Variants in RHAG observed in about 807,000 individuals in gnomAD.
The protein encoded by RHAG is Rh associated glycoprotein.
Under a neutral mutation model 42.4 loss-of-function variants are expected in RHAG, and 25 were observed. The observed-to-expected ratio is 0.59, with a 90% CI of 0.43 to 0.82. The LOEUF (loss-of-function observed/expected upper bound fraction) is 0.82. Ranked by LOEUF, RHAG falls within the 40% of genes least tolerant of loss-of-function variation. RHAG has a pLI of 0.00. For synonymous variants in RHAG, 182 were observed against 177.7 expected (o/e 1.02, Z -0.19); for missense variants, 483 against 504.6 (o/e 0.96, Z 0.41).
intron 1 of RHAG, among the ~76,000 whole-genome samples, chr6:49,626,341 T>C (rs952959012): frequency 1.3e-5 from 2 of 152,178 alleles, no homozygotes; most frequent in African/African-American, 4.8e-5. Flanking sequence ...ATGGGAGAAA[T>C]TGGCAAAAAC....
At chr6:49,619,902 T>A (rs1217932189) in intron 1 of RHAG, among the ~76,000 whole-genome samples, 1 of 152,206 alleles carries the variant, frequency 6.6e-6, no homozygotes, top group Non-Finnish European at 1.5e-5. Flanking sequence ...CATACCTGGC[T>A]CTCTTTAACT....
rs571274711 is a variant in RHAG at position 49,612,546 on chromosome 6, G to A, written c.808-12C>T. 1 of 1,613,876 alleles carries A rather than the reference G, an allele frequency of 6.2e-7. No individual in the cohort carries two copies. The highest frequency in any genetic ancestry group is 1.7e-5 in the Admixed American group (1 of 60,012). ...TTCTGAATGTGAACCTGTGTGAGCG[G>A]CAGAAACATAAATGAGGTGAGCTGG... On this transcript the variant is annotated splice_polypyrimidine_tract_variant and intron_variant, in intron 5 of 9. Coordinates refer to ENST00000371175, the MANE Select transcript of RHAG (RefSeq NM_000324.3).
chr6:49,624,000 G>GC (rs1212483673), intron 1 of RHAG, among the ~76,000 whole-genome samples: 2 of 151,942 alleles, frequency 1.3e-5, no homozygotes, highest in Non-Finnish European at 2.9e-5. Context: ...ATTCCTTGCT[G>GC]CCCCCTGAGA....
chr6:49,633,725 T>C (rs1762967297), intron 1 of RHAG, among the ~76,000 whole-genome samples: 1 of 152,182 alleles, frequency 6.6e-6, no homozygotes, highest in African/African-American at 2.4e-5. Flanking sequence ...ACGCAATGGA[T>C]GCCTTGAGTC....
Position 49,614,833 on chromosome 6 carries a change from A to T in RHAG, c.661T>A (p.Phe221Ile). The T allele has an allele frequency of 6.2e-7, 1 of 1,614,234 alleles. No homozygotes were observed. Among genetic ancestry groups the T allele is most frequent in the South Asian group, 1.1e-5 (1 of 91,082 alleles). ...AMIGTLFLWM[F>I]WPSFNSAIAE... ...ATGGCCGAGTTAAAGCTGGGCCAAA[A>T]CATCCACAGAAAGAGAGTCCCTGTA... Residue 221 changes from phenylalanine to isoleucine, a missense_variant, in exon 5 of 10, where the codon TTT becomes ATT. Phe to Ile is a conservative substitution (Grantham distance 21, BLOSUM62 0). Transcript: ENST00000371175.
chr6:49,609,729 C>T (rs1433835030), intron 7 of RHAG, among the ~76,000 whole-genome samples: 1 of 152,178 alleles, frequency 6.6e-6, no homozygotes, highest in Non-Finnish European at 1.5e-5. Flanking sequence ...TTATTGATCT[C>T]AACAGGGTTA....
intron 2 of RHAG, among the ~76,000 whole-genome samples, chr6:49,618,606 C>G (rs1490852226): frequency 6.6e-6 from 1 of 152,094 alleles, no homozygotes; most frequent in Non-Finnish European, 1.5e-5. Flanking sequence ...TTTCTCATAT[C>G]CTCAAAGTCA....
intron 1 of RHAG, among the ~76,000 whole-genome samples, chr6:49,631,291 G>A (rs1762932010): frequency 6.6e-6 from 1 of 152,124 alleles, no homozygotes; most frequent in Non-Finnish European, 1.5e-5. Flanking sequence ...TTCACCCAAT[G>A]ATTTTAGCTT....
chr6:49,624,351 G>A (rs530649029), intron 1 of RHAG, among the ~76,000 whole-genome samples: 1 of 152,218 alleles, frequency 6.6e-6, no homozygotes, highest in Admixed American at 6.5e-5. Context: ...GACTACAGGC[G>A]TGTGCCACCA....
chr6:49,608,473 G>A lies in RHAG; in HGVS notation c.1068-1253C>T, dbSNP rs1985223. ...CAGCTCACTGCTGTCTCCTCCCCGC[G>A]TTCAAGCAATTCTCCTGACTCAGCC... On this transcript the variant is annotated intron_variant, in intron 7 of 9. Transcript: ENST00000371175. Among the ~76,000 whole-genome samples the A allele has an allele frequency of 2.2e-4, 34 of 152,070 alleles. 1 individual carries two copies. In the East Asian group the frequency reaches 6.2e-3, roughly 28 times the overall value.
rs1762687222 is a variant in RHAG at position 49,618,235 on chromosome 6, A to G, written c.342-17T>C. On this transcript the variant is annotated splice_polypyrimidine_tract_variant and intron_variant, in intron 2 of 9. Coordinates refer to ENST00000371175, the MANE Select transcript of RHAG (RefSeq NM_000324.3). ...TTTATCATGCTGAAGGGAAACAAGA[A>G]TAAATTGAAGAGTAATGCACACCCA... The G allele has an allele frequency of 1.2e-6, 2 of 1,614,006 alleles. No homozygotes were observed. The highest frequency in any genetic ancestry group is 1.3e-5 in the African/African-American group (1 of 74,930).
chr6:49,622,882 C>A (rs1296854968), intron 1 of RHAG, among the ~76,000 whole-genome samples: 1 of 145,806 alleles, frequency 6.9e-6, no homozygotes, highest in Non-Finnish European at 1.5e-5. Context: ...GTCGCCCAGG[C>A]CGGACTGCAG....
In RHAG at chr6:49,618,274, C is replaced by G. The variant is rs1325996411; in HGVS notation, c.342-56G>C. 6 of 1,595,818 alleles carry G rather than the reference C, an allele frequency of 3.8e-6. No homozygotes were observed. The East Asian group carries it at 1.1e-4, about 30-fold the overall frequency. On this transcript the variant is annotated intron_variant, in intron 2 of 9. Transcript: ENST00000371175. The stretch of plus-strand genomic sequence containing the variant: ...AATGCACACCCAACATAAAACTGAC[C>G]AAAGTGCAATCCCATCTCCCACCAG...
At position 49,612,504 on chromosome 6, in the gene RHAG, C is replaced by T. The variant is rs104893987; in HGVS notation, c.838G>A (p.Gly280Arg). The T allele has an allele frequency of 6.2e-7, 1 of 1,614,096 alleles. No homozygotes were observed. The highest frequency in any genetic ancestry group is 8.5e-7 in the Non-Finnish European group (1 of 1,180,006). Reference sequence around the variant, plus strand: ...TCCGCACAAGTGCCCACAGCAACTCCTCCAGCAAGGGTGGCATTCTGAATG... The same window carrying T: ...TCCGCACAAGTGCCCACAGCAACTCTTCCAGCAAGGGTGGCATTCTGAATG... ...VHIQNATLAG[G>R]VAVGTCADMA... Residue 280 changes from glycine (G) to arginine (R), a missense_variant, in exon 6 of 10, where the codon GGA becomes AGA. Physicochemically the swap from Gly to Arg is moderately radical, Grantham distance 125. Transcript: ENST00000371175.
chr6:49,636,781 A>G lies in RHAG; in HGVS notation c.32T>C (p.Val11Ala). The change falls in exon 1 of 10, where the codon GTC (valine) becomes GCC (alanine). Residue 11 changes from valine (V) to alanine (A), a missense_variant. Transcript: ENST00000371175. ...TAAAACAATCATGGCAATTTCCAGG[A>G]CTATAGCCATGAGAGGGAATGTGAA... MRFTFPLMAI[V>A]LEIAMIVLFG... 2 of 1,613,946 alleles carry G rather than the reference A, an allele frequency of 1.2e-6. No homozygotes were observed. Among genetic ancestry groups the G allele is most frequent in the Non-Finnish European group, 8.5e-7 (1 of 1,179,800 alleles).
Position 49,605,652 on chromosome 6 carries a change from G to C in RHAG, c.*161C>G, listed in dbSNP as rs1434685762. The C allele has an allele frequency of 1.3e-6, 1 of 743,936 alleles. No individual in the cohort carries two copies. The highest frequency in any genetic ancestry group is 1.7e-5 in the African/African-American group (1 of 58,036). The allele number at this position is 743,936 out of a possible 1,614,324, so 46.1% of individuals were successfully genotyped here. On this transcript the variant is annotated 3_prime_UTR_variant, in exon 10 of 10. Coordinates refer to ENST00000371175, the MANE Select transcript of RHAG (RefSeq NM_000324.3). ...TTTTACACTGGCCATTTGGGACTTA[G>C]GATCTATTCACTCTGGTCCATACTC...
At chr6:49,635,725 T>C (rs1763000642) in intron 1 of RHAG, among the ~76,000 whole-genome samples, 1 of 152,088 alleles carries the variant, frequency 6.6e-6, no homozygotes, top group Non-Finnish European at 1.5e-5. Context: ...TACATGGGAA[T>C]ACCCCCATCA....
intron 3 of RHAG, among the ~76,000 whole-genome samples, chr6:49,617,751 T>C (rs1359470383): frequency 1.3e-5 from 2 of 151,846 alleles, no homozygotes; most frequent in East Asian, 1.9e-4. Context: ...AAAAGAAGAG[T>C]TGAGGAATTA....
intron 4 of RHAG, chr6:49,615,169 C>A: frequency 3.2e-6 from 1 of 310,824 alleles, no homozygotes; most frequent in Non-Finnish European, 6.2e-6. Flanking sequence ...TCAGGCTGGT[C>A]TCGAACTCCT....
Sources: allele counts gnomAD v4.1 joint callset (sites outside exome capture counted in the v4.1 genomes callset), GRCh38; gene constraint gnomAD v4.1.1; transcripts MANE v1.5; gene names NCBI Gene and HGNC (gene_info 2026-07-23, HGNC 2026-07-21).